The following FBL variants were observed in gnomAD, a reference collection of about 807,000 sequenced individuals.
FBL encodes the protein rRNA 2'-O-methyltransferase fibrillarin.
In FBL, 10 loss-of-function variants were observed where a neutral mutation model predicts 42.2. The observed-to-expected ratio is 0.24, with a 90% CI of 0.15 to 0.40. The LOEUF (loss-of-function observed/expected upper bound fraction) is 0.40, where lower values mean the gene tolerates loss of function less well. FBL is among the 10% of genes least tolerant of loss of function. The pLI is 1.00. For synonymous variants in FBL, 165 were observed against 165.4 expected (o/e 1.00, Z 0.02); for missense variants, 351 against 439.2 (o/e 0.80, Z 1.79).
intron 7 of FBL, among the ~76,000 whole-genome samples, chr19:39,835,930 TAA>T (rs771927497): frequency 5.6e-5 from 8 of 144,048 alleles, no homozygotes; most frequent in Admixed American, 3.5e-4. Context: ...TGTCTCAAAT[TAA>T]AAAAAAAAAA....
chr19:39,844,112 G>A (rs576808336), intron 1 of FBL, among the ~76,000 whole-genome samples: 8 of 152,154 alleles, frequency 5.3e-5, no homozygotes, highest in African/African-American at 1.9e-4. Context: ...ACTTTTTAAT[G>A]TTCTACTCCC....
intron 1 of FBL, 135 bp downstream of exon 1, chr19:39,846,156 C>T: frequency 1.9e-6 from 2 of 1,030,596 alleles, no homozygotes; most frequent in Admixed American, 3.8e-5. Flanking sequence ...CAGAATCCCC[C>T]TTCCCACAGG....
rs746149318 is a variant in FBL, at chr19:39,834,530, G to A, written c.*8C>T. On this transcript the variant is annotated 3_prime_UTR_variant, in exon 9 of 9. Transcript: ENST00000221801. ...ACACATCTCTCGCAATCCTGACAGC[G>A]CTGAACTTCAGTTCTTCACCTTGGG... is the stretch of plus-strand genomic sequence containing the variant. 1.1e-5 allele frequency: 17 copies of A among 1,613,942 alleles called. No individual in the cohort carries two copies. In the South Asian group the frequency reaches 1.1e-4, roughly 10 times the overall value.
At chr19:39,839,283 A>G in intron 4 of FBL, 78 bp from the exon 5 acceptor site, 1 of 1,234,800 alleles carries the variant, frequency 8.1e-7, no homozygotes, top group Non-Finnish European at 1.1e-6. Flanking sequence ...AGGAGCCTTG[A>G]AAGGAACTGG....
chr19:39,846,173 G>C lies in FBL; in HGVS notation c.10+118C>G, dbSNP rs1309313043. 43 of 1,206,014 alleles carry C rather than the reference G, an allele frequency of 3.6e-5. No individual in the cohort carries two copies. In the East Asian group the frequency reaches 1.0e-3, roughly 29 times the overall value. The allele number at this position is 1,206,014 out of a possible 1,614,324, so 74.7% of individuals were successfully genotyped here. A position where few individuals can be genotyped will look rare whatever the true frequency, so the allele number is the denominator to read the frequency against. On this transcript the variant is annotated intron_variant, in intron 1 of 8. Coordinates refer to ENST00000221801, the MANE Select transcript of FBL (RefSeq NM_001436.4). Reference sequence around the variant, plus strand: ...GAATCCCCCTTCCCACAGGAGACTGGAACCCGTGCTCAGAACCCCTGCCCC... The same window carrying C: ...GAATCCCCCTTCCCACAGGAGACTGCAACCCGTGCTCAGAACCCCTGCCCC...
intron 7 of FBL, among the ~76,000 whole-genome samples, chr19:39,836,050 C>T (rs1450611182): frequency 6.6e-6 from 1 of 152,176 alleles, no homozygotes; most frequent in Non-Finnish European, 1.5e-5. Context: ...CTTATTTCTA[C>T]TTCCTCTTCT....
chr19:39,837,628 T>C (rs1343887901), intron 6 of FBL, 83 bp downstream of exon 6: 1 of 1,293,778 alleles, frequency 7.7e-7, no homozygotes, highest in Non-Finnish European at 1.1e-6. Flanking sequence ...TCCAACTCCA[T>C]CCGAATCAGA....
Position 39,840,428 on chromosome 19 carries a change from G to C in FBL, c.269C>G (p.Pro90Arg). The C allele has an allele frequency of 2.5e-6, 4 of 1,614,066 alleles. No individual in the cohort carries two copies. Among genetic ancestry groups the C allele is most frequent in the Non-Finnish European group, 3.4e-6 (4 of 1,179,988 alleles). The change falls in exon 3 of 9, where the codon CCG becomes CGG. Residue 90 changes from proline to arginine, a missense_variant. Physicochemically the swap from Pro to Arg is moderately radical, Grantham distance 103 (BLOSUM62 -2). Coordinates refer to ENST00000221801, the MANE Select transcript of FBL (RefSeq NM_001436.4). This position sits in a 1 kb window ranked among gnomAD's most constrained non-coding sequence, Gnocchi z 4.5. ...TCCTCACTCACCCTCATGCCGATGC[G>C]GCTCCACCATCACATTCTTCCCCGA... Reference protein sequence around the residue: ...NQSGKNVMVEPHRHEGVFICR... With the variant: ...NQSGKNVMVERHRHEGVFICR...
rs981219348 is a variant in FBL, at chr19:39,836,446, T to C, written c.795+110A>G. ...TGCCTCTTTAAATCCAAAGCTATAG[T>C]TTTGCAGACTTGGCCCCTCTGTTTT... On this transcript the variant is annotated intron_variant, in intron 7 of 8. Transcript: ENST00000221801. The C allele has an allele frequency of 1.7e-5, 11 of 642,244 alleles. No homozygotes were observed. The African/African-American group carries it at 2.0e-4, about 12-fold the overall frequency. 39.8% of individuals were successfully genotyped at this position (642,244 alleles called of 1,614,324 possible). A position where few individuals can be genotyped will look rare whatever the true frequency, so the allele number is the denominator to read the frequency against.
At position 39,840,484 on chromosome 19, in the gene FBL, A is replaced by G; in HGVS notation, c.213T>C (p.Gly71=). ...TTCCTCTTTTTCCTCCCCGACCACG[A>G]CCCCGGTTGCCACCAGAATGGAAGC... The part of the protein sequence containing the change: ...GGGFHSGGNR[G]RGRGGKRGNQ... Residue 71 remains glycine, a synonymous_variant, in exon 3 of 9, where the codon GGT becomes GGC. Transcript: ENST00000221801. The surrounding 1 kb of genome is among the most constrained non-coding windows in gnomAD (Gnocchi z 4.5). The G allele has an allele frequency of 6.2e-7, 1 of 1,613,824 alleles. No homozygotes were observed. Among genetic ancestry groups the G allele is most frequent in the Non-Finnish European group, 8.5e-7 (1 of 1,179,978 alleles).
intron 6 of FBL, 31 bp downstream of exon 6, chr19:39,837,680 A>G: frequency 6.5e-7 from 1 of 1,534,272 alleles, no homozygotes; most frequent in Non-Finnish European, 8.7e-7. Flanking sequence ...GGCCTGTCCT[A>G]CCCCACCGGG....
rs1969129748 is a variant in FBL at position 39,840,109 on chromosome 19, T to G, written c.378+124A>C. The G allele has an allele frequency of 2.8e-6, 2 of 701,792 alleles. No homozygotes were observed. Among genetic ancestry groups the G allele is most frequent in the Admixed American group, 4.5e-5 (2 of 44,406 alleles). The allele number at this position is 701,792 out of a possible 1,614,324, so 43.5% of individuals were successfully genotyped here. The stretch of plus-strand genomic sequence containing the variant: ...AAGGCGGATGAGGGAGCAGACAGTG[T>G]GGTTTACATATTATGACAATCCTCC... On this transcript the variant is annotated intron_variant, in intron 4 of 8. Transcript: ENST00000221801. This position sits in a 1 kb window ranked among gnomAD's most constrained non-coding sequence, Gnocchi z 4.5.
chr19:39,834,888 T>C (rs1969002928), intron 7 of FBL, 75 bp from the exon 8 acceptor site: 1 of 1,475,314 alleles, frequency 6.8e-7, no homozygotes, highest in South Asian at 1.2e-5. Flanking sequence ...TTAAACCAGA[T>C]GTTTTCATTA....
chr19:39,838,268 T>TC (rs199732331), intron 5 of FBL: 12 of 154,398 alleles, frequency 7.8e-5, no homozygotes, highest in African/African-American at 2.7e-4. Context: ...CCTGAGGTTT[T>TC]TTTTTTTTTT....
intron 6 of FBL, among the ~76,000 whole-genome samples, chr19:39,837,371 G>C (rs1347463815): frequency 6.6e-6 from 1 of 151,978 alleles, no homozygotes; most frequent in African/African-American, 2.4e-5. Context: ...TAGTTTTCTG[G>C]GATATGCTCT....
chr19:39,836,917 CG>C (rs1969059559), intron 6 of FBL, among the ~76,000 whole-genome samples: 1 of 152,230 alleles, frequency 6.6e-6, no homozygotes, highest in South Asian at 2.1e-4. Flanking sequence ...CTGGGCCGGG[CG>C]TGGGGGACAT....
chr19:39,845,322 C>G (rs2145069382), intron 1 of FBL, among the ~76,000 whole-genome samples: 1 of 152,208 alleles, frequency 6.6e-6, no homozygotes, highest in Non-Finnish European at 1.5e-5. Context: ...ATAAAGGTAA[C>G]AATTAGAGCT....
chr19:39,839,213 A>T lies in FBL; in HGVS notation c.379-8T>A, dbSNP rs367638014. Reference sequence around the variant, plus strand: ...AATTTTGTCATCTCCTTCCTAGATGAGAGATGGGGACAGAAGTCAGTGCTA... The same window carrying T: ...AATTTTGTCATCTCCTTCCTAGATGTGAGATGGGGACAGAAGTCAGTGCTA... On this transcript the variant is annotated splice_polypyrimidine_tract_variant and splice_region_variant and intron_variant, in intron 4 of 8. Transcript: ENST00000221801. The T allele has an allele frequency of 6.2e-7, 1 of 1,605,794 alleles. No homozygotes were observed. Among genetic ancestry groups the T allele is most frequent in the South Asian group, 1.1e-5 (1 of 89,940 alleles).
In FBL at chr19:39,840,800, C is replaced by G; in HGVS notation, c.11-13G>C. Reference sequence around the variant, plus strand: ...CGGGGACTGAATCCTGTGGGGGAAACAAAACAGGAGTCAGGGCAATGAAGC... The same window carrying G: ...CGGGGACTGAATCCTGTGGGGGAAAGAAAACAGGAGTCAGGGCAATGAAGC... On this transcript the variant is annotated splice_polypyrimidine_tract_variant and intron_variant, in intron 1 of 8. Transcript: ENST00000221801. The surrounding 1 kb of genome is among the most constrained non-coding windows in gnomAD (Gnocchi z 4.5). The G allele has an allele frequency of 6.5e-7, 1 of 1,530,488 alleles. No individual in the cohort carries two copies. Among genetic ancestry groups the G allele is most frequent in the Non-Finnish European group, 8.8e-7 (1 of 1,136,864 alleles). 94.8% of individuals were successfully genotyped at this position (1,530,488 alleles called of 1,614,324 possible). A position where few individuals can be genotyped will look rare whatever the true frequency, so the allele number is the denominator to read the frequency against.
Sources: allele counts gnomAD v4.1 joint callset (sites outside exome capture counted in the v4.1 genomes callset), GRCh38; gene constraint gnomAD v4.1.1; non-coding constraint Gnocchi (gnomAD v3.1); transcripts MANE v1.5; gene names NCBI Gene and HGNC (gene_info 2026-07-23, HGNC 2026-07-21).